Variants in AGBL1 observed in about 807,000 individuals in gnomAD.
AGBL1 encodes cytosolic carboxypeptidase 4.
In AGBL1, 130 loss-of-function variants were observed where a neutral mutation model predicts 118.9. The observed-to-expected ratio is 1.09, with a 90% CI of 0.95 to 1.26. The LOEUF is 1.26. AGBL1 is among the 50% of genes most tolerant of loss of function. AGBL1 has a pLI of 0.00. For synonymous variants in AGBL1, 555 were observed against 478.9 expected (o/e 1.16, Z -2.08); for missense variants, 1,584 against 1,298.1 (o/e 1.22, Z -3.38).
chr15:86,622,582 A>C (rs1567087901), intron 21 of AGBL1, among the ~76,000 whole-genome samples: 1 of 152,132 alleles, frequency 6.6e-6, no homozygotes, highest in African/African-American at 2.4e-5. Context: ...TGGCAGGAGA[A>C]ATGATGACCT....
chr15:86,750,693 T>C (rs2077836435), intron 22 of AGBL1, among the ~76,000 whole-genome samples: 1 of 151,986 alleles, frequency 6.6e-6, no homozygotes. Flanking sequence ...GTTGTGTAGG[T>C]AATTGTGTCA....
intron 17 of AGBL1, chr15:86,299,647 A>T (rs1244576396): frequency 6.6e-6 from 1 of 152,148 alleles, no homozygotes; most frequent in African/African-American, 2.4e-5. Flanking sequence ...CCTAGTCTCC[A>T]TTGGTTAATG....
intron 22 of AGBL1, among the ~76,000 whole-genome samples, chr15:86,699,929 G>A (rs746450758): frequency 1.3e-4 from 19 of 151,756 alleles, no homozygotes; most frequent in East Asian, 3.9e-4. Flanking sequence ...ATTCTTTTTC[G>A]TCTGAAACAA....
At chr15:86,237,832 C>CAA (rs1446590168) in intron 6 of AGBL1, among the ~76,000 whole-genome samples, 1 of 152,168 alleles carries the variant, frequency 6.6e-6, no homozygotes, top group Non-Finnish European at 1.5e-5. Context: ...GGATGAGTCT[C>CAA]AAAATGGTGG....
chr15:86,853,339 A>G (rs1450774293), intron 22 of AGBL1, among the ~76,000 whole-genome samples: 1 of 152,212 alleles, frequency 6.6e-6, no homozygotes, highest in African/African-American at 2.4e-5. Context: ...CAATTAAGCA[A>G]GCAGTAGAGA....
chr15:86,741,991 T>A (rs567647282), intron 22 of AGBL1, among the ~76,000 whole-genome samples: 139 of 147,866 alleles, frequency 9.4e-4, no homozygotes, highest in African/African-American at 3.4e-3. Flanking sequence ...TTTTTTTTTT[T>A]AAACTATGAG....
At chr15:86,941,905 A>G (rs2080756838) in intron 23 of AGBL1, among the ~76,000 whole-genome samples, 1 of 152,248 alleles carries the variant, frequency 6.6e-6, no homozygotes, top group Non-Finnish European at 1.5e-5. Flanking sequence ...GTAGTGAATT[A>G]GTGCTAGCTG....
intron 21 of AGBL1, among the ~76,000 whole-genome samples, chr15:86,668,289 T>C (rs1392015483): frequency 1.3e-5 from 2 of 152,234 alleles, no homozygotes; most frequent in Non-Finnish European, 2.9e-5. Context: ...TTCTCTGTAA[T>C]ATATTTTATT....
chr15:86,103,538 G>A (rs1485242304), intron 1 of AGBL1, among the ~76,000 whole-genome samples: 1 of 152,174 alleles, frequency 6.6e-6, no homozygotes, highest in Non-Finnish European at 1.5e-5. Flanking sequence ...TACCAATGGT[G>A]TTGGTTAGCT....
At chr15:86,587,525 A>G (rs1297326144) in intron 21 of AGBL1, among the ~76,000 whole-genome samples, 2 of 152,154 alleles carry the variant, frequency 1.3e-5, no homozygotes, top group Non-Finnish European at 2.9e-5. Flanking sequence ...TTCTATAGGA[A>G]GCAAGTGGGA....
chr15:86,924,726 C>T (rs752302959), intron 23 of AGBL1, among the ~76,000 whole-genome samples: 8 of 151,996 alleles, frequency 5.3e-5, no homozygotes, highest in East Asian at 1.9e-4. Flanking sequence ...TCCATGTGCA[C>T]GATAAGAATC....
intron 18 of AGBL1, among the ~76,000 whole-genome samples, chr15:86,433,599 T>G (rs960787084): frequency 6.6e-5 from 10 of 152,150 alleles, no homozygotes; most frequent in Non-Finnish European, 1.3e-4. Flanking sequence ...TCTCTACTTT[T>G]AAAGCCCAGT....
chr15:86,502,579 G>A (rs892127191), intron 18 of AGBL1, among the ~76,000 whole-genome samples: 14 of 145,418 alleles, frequency 9.6e-5, no homozygotes, highest in African/African-American at 3.5e-4. Flanking sequence ...TTATCAGGTT[G>A]AAGAAGTTCC....
intron 17 of AGBL1, among the ~76,000 whole-genome samples, chr15:86,353,405 T>G (rs987372825): frequency 1.3e-5 from 2 of 152,198 alleles, no homozygotes; most frequent in African/African-American, 4.8e-5. Context: ...TCTAATGGGC[T>G]GCCACTGAGG....
rs1202030568 is a variant in AGBL1 at position 86,262,885 on chromosome 15, T to C, written c.1077T>C (p.Tyr359=). Residue 359 remains tyrosine (Y), a synonymous_variant, in exon 10 of 23, where the codon TAT becomes TAC. Transcript: ENST00000614907. ...AGGTGATGTGTCTTGAGCTCTCCTA[T>C]AGCTTTGAGGTAGGACATATGCTGT... ...QYEVMCLELS[Y]SFEELQSKLG... 5 of 1,603,498 alleles carry C rather than the reference T, an allele frequency of 3.1e-6. No individual in the cohort carries two copies. The South Asian group carries it at 5.6e-5, about 18-fold the overall frequency.
chr15:86,874,253 A>G (rs1393343161), intron 22 of AGBL1, among the ~76,000 whole-genome samples: 1 of 152,170 alleles, frequency 6.6e-6, no homozygotes, highest in Admixed American at 6.5e-5. Context: ...GCTTAAATAA[A>G]AGAAAAAAAT....
At chr15:86,781,410 C>T (rs1363917105) in intron 22 of AGBL1, among the ~76,000 whole-genome samples, 2 of 152,090 alleles carry the variant, frequency 1.3e-5, no homozygotes, top group African/African-American at 4.8e-5. Context: ...TGTAACACCT[C>T]CTTTGTGGGA....
intron 17 of AGBL1, among the ~76,000 whole-genome samples, chr15:86,329,993 C>A (rs754447831): frequency 6.6e-5 from 10 of 152,224 alleles, no homozygotes; most frequent in Non-Finnish European, 1.3e-4. Flanking sequence ...AGGAGGTTTT[C>A]CAGATTCAGA....
intron 23 of AGBL1, among the ~76,000 whole-genome samples, chr15:86,952,988 T>A (rs2080895091): frequency 6.6e-6 from 1 of 152,184 alleles, no homozygotes; most frequent in Admixed American, 6.5e-5. Context: ...GTTATAGGTG[T>A]GCAGCTTTAT....
Sources: allele counts gnomAD v4.1 joint callset (sites outside exome capture counted in the v4.1 genomes callset), GRCh38; gene constraint gnomAD v4.1.1; transcripts MANE v1.5; gene names NCBI Gene and HGNC (gene_info 2026-07-23, HGNC 2026-07-21).